CLIP1: variants seen among roughly 807,000 people sequenced by gnomAD.
The protein encoded by CLIP1 is CAP-Gly domain-containing linker protein 1.
CLIP1 carries 66 observed loss-of-function variants against 161.6 expected under a neutral mutation model. That is an observed-to-expected ratio of 0.41 (90% CI 0.33 to 0.50). The LOEUF (loss-of-function observed/expected upper bound fraction) is 0.50, where lower values mean the gene tolerates loss of function less well. CLIP1 is among the 20% of genes least tolerant of loss of function. The pLI, the probability that CLIP1 is intolerant of heterozygous loss-of-function variation, is 0.27. For missense variants in CLIP1, 1,376 were observed against 1,702.0 expected (o/e 0.81, Z 3.37); for synonymous variants, 598 against 626.2 (o/e 0.96, Z 0.67).
intron 18 of CLIP1, among the ~76,000 whole-genome samples, chr12:122,317,951 T>A (rs887137301): frequency 1.1e-4 from 17 of 152,122 alleles, no homozygotes; most frequent in Non-Finnish European, 2.4e-4. Context: ...TTCCCTAAAA[T>A]CCTCTCATTT....
At position 122,377,485 on chromosome 12, in the gene CLIP1, G is replaced by A; in HGVS notation, c.561C>T (p.Asn187=). Residue 187 remains asparagine (N), a synonymous_variant, in exon 3 of 26, where the codon AAC becomes AAT. Transcript: ENST00000620786. ...KEPSATPPIS[N]LTKTASESIS... is the part of the protein sequence containing the mutation. Reference sequence around the variant, plus strand: ...TAGATTCACTGGCAGTTTTTGTAAGGTTGCTGATCGGAGGCGTAGCTGAAG... The same window carrying A: ...TAGATTCACTGGCAGTTTTTGTAAGATTGCTGATCGGAGGCGTAGCTGAAG... The A allele has an allele frequency of 2.5e-6, 4 of 1,614,126 alleles. No homozygotes were observed. The highest frequency in any genetic ancestry group is 3.4e-6 in the Non-Finnish European group (4 of 1,180,036).
chr12:122,332,288 TCCGTCTC>T (rs1952011502), intron 15 of CLIP1, among the ~76,000 whole-genome samples: 1 of 132,436 alleles, frequency 7.6e-6, no homozygotes. Flanking sequence ...AGAGCAAAAC[TCCGTCTC>T]AAAAAAAAAA....
chr12:122,398,705 A>G (rs1264578941), intron 1 of CLIP1, among the ~76,000 whole-genome samples: 1 of 151,694 alleles, frequency 6.6e-6, no homozygotes, highest in Non-Finnish European at 1.5e-5. Context: ...CCATCTCTAA[A>G]AAAAAAAAAT....
intron 17 of CLIP1, among the ~76,000 whole-genome samples, chr12:122,321,819 G>C (rs1593062879): frequency 6.6e-6 from 1 of 152,110 alleles, no homozygotes; most frequent in African/African-American, 2.4e-5. Flanking sequence ...GCGCCCAGCC[G>C]AATTTCACTA....
chr12:122,409,752 G>C (rs1015775986), intron 1 of CLIP1, among the ~76,000 whole-genome samples: 1 of 149,740 alleles, frequency 6.7e-6, no homozygotes, highest in Non-Finnish European at 1.5e-5. Flanking sequence ...GGCTGGTCTC[G>C]AACTCCTGAC....
intron 1 of CLIP1, among the ~76,000 whole-genome samples, chr12:122,392,257 C>T (rs934768690): frequency 7.2e-5 from 11 of 152,116 alleles, no homozygotes; most frequent in African/African-American, 2.4e-4. Flanking sequence ...GGCAATAGAA[C>T]GAGCCCCATC....
At chr12:122,292,167 ATTTTTTTT>A (rs1303619189) in intron 20 of CLIP1, among the ~76,000 whole-genome samples, 1 of 138,032 alleles carries the variant, frequency 7.2e-6, no homozygotes, top group African/African-American at 2.6e-5. Context: ...AATTTTTTGT[ATTTTTTTT>A]TTTTTTTAGT....
rs1429557530 is a variant in CLIP1, at chr12:122,364,680, C to T, written c.658-573G>A. 4 of 459,504 alleles carry T rather than the reference C, an allele frequency of 8.7e-6. No individual in the cohort carries two copies. The Admixed American group carries it at 9.8e-5, about 11-fold the overall frequency. The allele number at this position is 459,504 out of a possible 1,614,324, so 28.5% of individuals were successfully genotyped here. A position where few individuals can be genotyped will look rare whatever the true frequency, so the allele number is the denominator to read the frequency against. The stretch of plus-strand genomic sequence containing the variant: ...TCAGCTTCCCAAAGTGTTGGGATTA[C>T]AGGCGTGAGCCACCACTCTTGGACC... On this transcript the variant is annotated intron_variant, in intron 3 of 25. Transcript: ENST00000620786.
intron 12 of CLIP1, 89 bp downstream of exon 12, chr12:122,336,543 G>A (rs980784740): frequency 1.4e-6 from 1 of 697,086 alleles, no homozygotes; most frequent in African/African-American, 1.8e-5. Flanking sequence ...AAAGAGAAAG[G>A]AAACAGCTAC....
At chr12:122,295,293 C>T (rs1261433724) in intron 20 of CLIP1, among the ~76,000 whole-genome samples, 1 of 151,712 alleles carries the variant, frequency 6.6e-6, no homozygotes, top group Non-Finnish European at 1.5e-5. Context: ...TCGCTTGAAC[C>T]CAGGAGGCAG....
At chr12:122,378,030 T>C in intron 2 of CLIP1, 70 bp from the exon 3 acceptor site, 19 of 1,369,558 alleles carry the variant, frequency 1.4e-5, no homozygotes, top group Non-Finnish European at 1.9e-5. Flanking sequence ...AAAGAAAAAC[T>C]AGAGAAAGCC....
At chr12:122,383,857 CATT>C (rs531688624) in intron 1 of CLIP1, among the ~76,000 whole-genome samples, 4 of 151,520 alleles carry the variant, frequency 2.6e-5, no homozygotes, top group Non-Finnish European at 5.9e-5. Context: ...AAAAAAAAGA[CATT>C]GTTGCCTCAC....
rs949573765 is a variant in CLIP1, at chr12:122,333,108, C to G, written c.2746G>C (p.Glu916Gln). 3.1e-6 allele frequency: 5 copies of G among 1,612,988 alleles called. No homozygotes were observed. Among genetic ancestry groups the G allele is most frequent in the Admixed American group, 1.7e-5 (1 of 59,962 alleles). Residue 916 changes from glutamate to glutamine, a missense_variant, in exon 15 of 26, where the codon GAA becomes CAA. By Grantham distance (29) the Glu-to-Gln change is conservative (BLOSUM62 2). Around this residue, in one of 6 missense-constraint regions of CLIP1, gnomAD observed 948 missense variants for 1,134.8 expected, o/e 0.84. Transcript: ENST00000620786. ...TCCTTTGCCTTTATCAGCTGCTCTT[C>G]TCTCTCATCTTTCTCTCTAAATTTT... ...EAKFREKDER[E>Q]EQLIKAKEKL...
rs564932520 is a variant in CLIP1, at chr12:122,331,151, A to G, written c.2867+1836T>C. 7.9e-5 allele frequency among the ~76,000 whole-genome samples: 12 copies of G among 151,784 alleles called. No individual in the cohort carries two copies. The East Asian group carries it at 2.3e-3, about 29-fold the overall frequency. Reference sequence around the variant, plus strand: ...TGCCTCAGCCTCCTGAGTAGCTGGGATTACAGGAATGCGCCACCATACCCG... The same window carrying G: ...TGCCTCAGCCTCCTGAGTAGCTGGGGTTACAGGAATGCGCCACCATACCCG... On this transcript the variant is annotated intron_variant, in intron 15 of 25. Transcript: ENST00000620786.
At chr12:122,319,441 G>A (rs1197644247) in intron 17 of CLIP1, 93 bp from the exon 18 acceptor site, 2 of 880,372 alleles carry the variant, frequency 2.3e-6, no homozygotes, top group South Asian at 1.4e-5. Context: ...AGCACTCAGT[G>A]TCTGTGTGGG....
At chr12:122,379,935 C>T (rs1281534795) in intron 2 of CLIP1, among the ~76,000 whole-genome samples, 8 of 71,270 alleles carry the variant, frequency 1.1e-4, no homozygotes, top group Admixed American at 2.0e-4. Flanking sequence ...TAGAGCAAGA[C>T]TCCATCTTTA....
intron 9 of CLIP1, among the ~76,000 whole-genome samples, chr12:122,348,674 T>C (rs1166144227): frequency 6.6e-6 from 1 of 152,132 alleles, no homozygotes; most frequent in Non-Finnish European, 1.5e-5. Context: ...TTATCAGTTA[T>C]CAGAATCAGT....
intron 1 of CLIP1, among the ~76,000 whole-genome samples, chr12:122,396,933 A>ATTTTTT (rs34381270): frequency 8.0e-5 from 6 of 75,062 alleles, no homozygotes; most frequent in Non-Finnish European, 1.2e-4. Context: ...CACCCGGCAA[A>ATTTTTT]TTTTTTTTTT....
At position 122,292,529 on chromosome 12, in the gene CLIP1, G is replaced by A. The variant is rs541551822; in HGVS notation, c.3595-3988C>T. ...TCCAAGCTCACCTTATACTCTTTCC[G>A]TCCCAGCCCTGGCATCAGCCATTTC... On this transcript the variant is annotated intron_variant, in intron 20 of 25. Coordinates refer to ENST00000620786, the MANE Select transcript of CLIP1 (RefSeq NM_001247997.2). 1.3e-3 allele frequency among the ~76,000 whole-genome samples: 193 copies of A among 151,858 alleles called. 1 individual carries two copies. Among genetic ancestry groups the A allele is most frequent in the Non-Finnish European group, 2.5e-3 (167 of 67,968 alleles).
Sources: allele counts gnomAD v4.1 joint callset (sites outside exome capture counted in the v4.1 genomes callset), GRCh38; gene constraint gnomAD v4.1.1; regional missense constraint gnomAD v4.1.1; transcripts MANE v1.5; gene names NCBI Gene and HGNC (gene_info 2026-07-23, HGNC 2026-07-21).